Variants in RGS6 observed in about 807,000 individuals in gnomAD.
The protein encoded by RGS6 is regulator of G-protein signaling 6.
In RGS6, 30 loss-of-function variants were observed where a neutral mutation model predicts 78.5. The ratio of observed to expected loss-of-function variants is 0.38; its 90% CI spans 0.29 to 0.52. RGS6 has a LOEUF of 0.52. Among genes scored for constraint, RGS6 ranks in the 20% least tolerant of loss-of-function variants. The pLI is 0.85. For missense variants in RGS6, 495 were observed against 609.7 expected (o/e 0.81, Z 1.98); for synonymous variants, 206 against 206.0 (o/e 1.00, Z 0.00).
At position 72,550,456 on chromosome 14, in the gene RGS6, A is replaced by AAAAG. The variant is rs1246773532; in HGVS notation, c.1422+10364_1422+10367dup. 6 of 1,535,280 alleles carry AAAAG rather than the reference A, an allele frequency of 3.9e-6. No individual in the cohort carries two copies. In the African/African-American group the frequency reaches 5.5e-5, roughly 14 times the overall value. ...CATCTGAGCCCCCGTGCCTAACAGGAAAAGACAGACTGTCAAGCAAGGACC... is the reference window on the plus strand; with the variant it reads ...CATCTGAGCCCCCGTGCCTAACAGGAAAAGAAAGACAGACTGTCAAGCAAGGACC... On this transcript the variant is annotated intron_variant, in intron 17 of 17. Transcript: ENST00000553525.
chr14:72,383,213 T>TATATATATACACAC (rs1387301746), intron 3 of RGS6, among the ~76,000 whole-genome samples: 14 of 118,332 alleles, frequency 1.2e-4, no homozygotes, highest in African/African-American at 3.8e-4. Context: ...TATATATATA[T>TATATATATACACAC]ACACACAAAC....
the RGS6 span, among the ~76,000 whole-genome samples, chr14:72,627,130 T>C: frequency 3.3e-5 from 5 of 152,110 alleles, no homozygotes; most frequent in African/African-American, 1.2e-4. Context: ...GACTTTATCA[T>C]GTTTTTGACT....
rs117069654 is a variant in RGS6, at chr14:72,391,404, T to C, written c.184+39210T>C. 5.9e-3 allele frequency among the ~76,000 whole-genome samples: 896 copies of C among 152,326 alleles called. 5 individuals carry two copies. Among genetic ancestry groups the C allele is most frequent in the Non-Finnish European group, 9.5e-3 (647 of 68,026 alleles). On this transcript the variant is annotated intron_variant, in intron 3 of 17. Coordinates refer to ENST00000553525, the MANE Select transcript of RGS6 (RefSeq NM_001204424.2). ...CAAGCATCCATCATCGTATGTGAGT[T>C]AGTAATTTCTCACCTCTCATTTGAG... is the stretch of plus-strand genomic sequence containing the variant.
chr14:71,995,797 C>T (rs563328861), intron 2 of RGS6, among the ~76,000 whole-genome samples: 2 of 152,312 alleles, frequency 1.3e-5, no homozygotes, highest in East Asian at 1.9e-4. Context: ...TTGCTACTCT[C>T]CATCCCCCAC....
chr14:72,375,015 A>G (rs1402783363), intron 3 of RGS6, among the ~76,000 whole-genome samples: 1 of 152,226 alleles, frequency 6.6e-6, no homozygotes. Flanking sequence ...CAGCTAAACA[A>G]AGAGTTGATA....
intron 2 of RGS6, among the ~76,000 whole-genome samples, chr14:72,213,154 G>A (rs2044599840): frequency 6.6e-6 from 1 of 152,216 alleles, no homozygotes; most frequent in East Asian, 1.9e-4. Flanking sequence ...CTTGGGGAAA[G>A]ATAATCTTAC....
Position 72,465,745 on chromosome 14 carries a change from T to C in RGS6, c.395-13T>C. The C allele has an allele frequency of 6.2e-7, 1 of 1,609,414 alleles. No homozygotes were observed. The highest frequency in any genetic ancestry group is 8.5e-7 in the Non-Finnish European group (1 of 1,175,820). On this transcript the variant is annotated splice_polypyrimidine_tract_variant and intron_variant, in intron 6 of 17. Transcript: ENST00000553525. ...TGGTTTTGTACATGTTGTCATTTCCTTTCTTCCCTCAGCCATCTATCTCTG... is the reference window on the plus strand; with the variant it reads ...TGGTTTTGTACATGTTGTCATTTCCCTTCTTCCCTCAGCCATCTATCTCTG...
intron 2 of RGS6, among the ~76,000 whole-genome samples, chr14:72,308,988 G>A (rs2067909699): frequency 6.6e-6 from 1 of 152,202 alleles, no homozygotes; most frequent in South Asian, 2.1e-4. Context: ...AGTGGCCTTA[G>A]TATCAGTGTT....
chr14:71,993,997 GT>G (rs2095083109), intron 2 of RGS6, among the ~76,000 whole-genome samples: 1 of 151,384 alleles, frequency 6.6e-6, no homozygotes, highest in Non-Finnish European at 1.5e-5. Context: ...GTTACATCTA[GT>G]TGCCTACAAA....
intron 2 of RGS6, among the ~76,000 whole-genome samples, chr14:72,325,713 T>A (rs1018864552): frequency 6.6e-6 from 1 of 151,998 alleles, no homozygotes. Context: ...CCAGTGGAAA[T>A]AGATAGGGCA....
At chr14:72,506,804 C>G (rs981257730) in intron 13 of RGS6, among the ~76,000 whole-genome samples, 1 of 151,952 alleles carries the variant, frequency 6.6e-6, no homozygotes, top group South Asian at 2.1e-4. Context: ...AAGATGAGGT[C>G]GTACTTGAAT....
intron 9 of RGS6, chr14:72,474,051 G>A (rs944723655): frequency 2.6e-5 from 4 of 152,222 alleles, no homozygotes; most frequent in Non-Finnish European, 5.9e-5. Flanking sequence ...TTCAATTTCA[G>A]TGGGAAACAC....
intron 2 of RGS6, among the ~76,000 whole-genome samples, chr14:72,044,320 C>G (rs1332347583): frequency 2.0e-5 from 3 of 152,078 alleles, no homozygotes; most frequent in Middle Eastern, 3.2e-3. Context: ...TTGGGTATGT[C>G]TATGAGGGTG....
chr14:72,038,741 A>T (rs934356710), intron 2 of RGS6, among the ~76,000 whole-genome samples: 4 of 151,690 alleles, frequency 2.6e-5, no homozygotes, highest in Non-Finnish European at 4.4e-5. Flanking sequence ...TAAAAATATG[A>T]TCCATTTTTT....
the RGS6 span, among the ~76,000 whole-genome samples, chr14:71,889,665 G>A: frequency 6.6e-6 from 1 of 152,160 alleles, no homozygotes; most frequent in Non-Finnish European, 1.5e-5. Context: ...AAAAGCAAGA[G>A]GCTGGTGATA....
chr14:71,975,520 G>A (rs928901088), intron 2 of RGS6, among the ~76,000 whole-genome samples: 4 of 151,640 alleles, frequency 2.6e-5, no homozygotes, highest in Admixed American at 6.6e-5. Context: ...GTGCAGTGGT[G>A]CAACCTTGGC....
intron 3 of RGS6, among the ~76,000 whole-genome samples, chr14:72,372,450 A>G (rs8007940): frequency 0.031 from 4,675 of 152,304 alleles, 207 homozygotes; most frequent in African/African-American, 0.11. Flanking sequence ...TCTATCCTGT[A>G]TGTTCCTCAG....
chr14:72,389,728 GAC>G (rs1159343899), intron 3 of RGS6, among the ~76,000 whole-genome samples: 4 of 152,082 alleles, frequency 2.6e-5, no homozygotes, highest in Non-Finnish European at 5.9e-5. Context: ...TAGTCATTTA[GAC>G]ACACACACAA....
chr14:72,380,209 T>C (rs945242485), intron 3 of RGS6, among the ~76,000 whole-genome samples: 2 of 151,968 alleles, frequency 1.3e-5, no homozygotes, highest in Non-Finnish European at 2.9e-5. Context: ...TCTGAAAATA[T>C]AAAACTAGTA....
Sources: gnomAD v4.1 joint callset for allele counts (sites outside exome capture counted in the v4.1 genomes callset) on GRCh38, gnomAD v4.1.1 for gene constraint, MANE v1.5 for transcripts, NCBI Gene and HGNC (gene_info 2026-07-23, HGNC 2026-07-21) for gene names.